Variants in NUSAP1 observed in about 807,000 individuals in gnomAD.
NUSAP1 encodes nucleolar and spindle associated protein 1, also known as nucleolar and spindle-associated protein 1.
A neutral mutation model predicts 52.8 loss-of-function variants in NUSAP1; 32 were observed. The ratio of observed to expected loss-of-function variants is 0.61; its 90% confidence interval spans 0.46 to 0.81. The LOEUF is 0.81. Among genes scored for constraint, NUSAP1 ranks in the 40% least tolerant of loss-of-function variants. NUSAP1 has a pLI of 0.00. For synonymous variants in NUSAP1, 195 were observed against 183.1 expected, an observed-to-expected ratio of 1.06 and a Z score of -0.52; for missense variants, 499 against 522.3, an observed-to-expected ratio of 0.96 and a Z score of 0.43.
At chr15:41,377,615 C>T (rs200632660) in intron 10 of NUSAP1, among the ~76,000 whole-genome samples, 5 of 142,660 alleles carry the variant, frequency 3.5e-5, no homozygotes, top group East Asian at 2.1e-4. Flanking sequence ...AGGAGAATGG[C>T]GTGAACCCAG....
At chr15:41,371,423 G>C in intron 7 of NUSAP1, 104 bp from the exon 8 acceptor site, 1 of 877,574 alleles carries the variant, frequency 1.1e-6, no homozygotes, top group East Asian at 2.8e-5. Flanking sequence ...ATTAATTGAG[G>C]CCCTTTTCAC....
intron 7 of NUSAP1, among the ~76,000 whole-genome samples, chr15:41,366,204 C>T (rs2049402414): frequency 3.9e-5 from 6 of 152,038 alleles, no homozygotes; most frequent in Non-Finnish European, 8.8e-5. Flanking sequence ...AACTCTTGGG[C>T]TCAAGTGATC....
intron 1 of NUSAP1, 59 bp from the exon 2 acceptor site, chr15:41,342,327 T>G: frequency 8.7e-7 from 1 of 1,154,620 alleles, no homozygotes; most frequent in Non-Finnish European, 1.3e-6. Context: ...CAAAAAATAT[T>G]CAACGTATCT....
At chr15:41,343,587 C>T (rs912703602) in intron 2 of NUSAP1, 2 of 152,240 alleles carry the variant, frequency 1.3e-5, no homozygotes, top group African/African-American at 2.4e-5. Context: ...CTCCCGACCT[C>T]GGGTGATCCC....
At chr15:41,346,934 A>T (rs2048597928) in intron 2 of NUSAP1, among the ~76,000 whole-genome samples, 1 of 152,056 alleles carries the variant, frequency 6.6e-6, no homozygotes, top group East Asian at 1.9e-4. Context: ...CCACTTTGGG[A>T]GGTCAAGGTG....
intron 7 of NUSAP1, among the ~76,000 whole-genome samples, chr15:41,367,321 G>A (rs1271373611): frequency 6.6e-5 from 10 of 152,156 alleles, no homozygotes; most frequent in Admixed American, 5.9e-4. Flanking sequence ...AGTCTCTCCC[G>A]TTCCAGGGAG....
chr15:41,339,555 C>A (rs1424253935), intron 1 of NUSAP1, among the ~76,000 whole-genome samples: 1 of 151,480 alleles, frequency 6.6e-6, no homozygotes, highest in East Asian at 2.0e-4. Context: ...GGATTACAGG[C>A]ATGTGCCACC....
intron 1 of NUSAP1, among the ~76,000 whole-genome samples, chr15:41,339,812 G>A (rs1238737476): frequency 2.0e-5 from 3 of 150,982 alleles, no homozygotes; most frequent in Non-Finnish European, 4.4e-5. Context: ...ACAGACTTTC[G>A]CTCTTGTCAC....
chr15:41,376,726 T>TA (rs143983944), intron 9 of NUSAP1, among the ~76,000 whole-genome samples: 13,124 of 146,146 alleles, frequency 0.09, 712 homozygotes, highest in East Asian at 0.17. Context: ...AAATTTAAAT[T>TA]AAAAAAAAAA....
At chr15:41,349,012 G>A in intron 2 of NUSAP1, 86 bp from the exon 3 acceptor site, 2 of 1,358,140 alleles carry the variant, frequency 1.5e-6, no homozygotes, top group South Asian at 1.4e-5. Flanking sequence ...TATGTAATAT[G>A]TTTTTTATTC....
chr15:41,341,399 A>T (rs968884828), intron 1 of NUSAP1, among the ~76,000 whole-genome samples: 1 of 152,112 alleles, frequency 6.6e-6, no homozygotes, highest in Admixed American at 6.6e-5. Context: ...AATGTAACCA[A>T]TCAAATTAAC....
intron 1 of NUSAP1, among the ~76,000 whole-genome samples, chr15:41,335,817 A>G (rs1209683276): frequency 1.4e-5 from 2 of 146,814 alleles, no homozygotes; most frequent in African/African-American, 5.0e-5. Context: ...AATATACTAA[A>G]TATACTATAT....
intron 6 of NUSAP1, among the ~76,000 whole-genome samples, chr15:41,359,574 T>TA (rs1474253324): frequency 1.3e-5 from 2 of 152,006 alleles, no homozygotes; most frequent in Non-Finnish European, 2.9e-5. Flanking sequence ...TTAATTGAAA[T>TA]AATAAACATT....
chr15:41,356,444 T>A (rs1179105467), intron 5 of NUSAP1, among the ~76,000 whole-genome samples: 1 of 150,330 alleles, frequency 6.7e-6, no homozygotes, highest in African/African-American at 2.5e-5. Context: ...TACCTCCACT[T>A]CCCAGGTTCA....
In NUSAP1 at chr15:41,342,319, A is replaced by G. The variant is rs1230803193; in HGVS notation, c.94-67A>G. 3 of 1,116,062 alleles carry G rather than the reference A, an allele frequency of 2.7e-6. No individual in the cohort carries two copies. The African/African-American group carries it at 4.8e-5, about 18-fold the overall frequency. The allele number at this position is 1,116,062 out of a possible 1,614,324, so 69.1% of individuals were successfully genotyped here. On this transcript the variant is annotated intron_variant, in intron 1 of 10. Transcript: ENST00000559596. The stretch of plus-strand genomic sequence containing the variant: ...ACATTTAATGAATACAAGAACAGCA[A>G]AAAATATTCAACGTATCTTCCTTGT...
At chr15:41,368,256 G>A (rs771985644) in intron 7 of NUSAP1, among the ~76,000 whole-genome samples, 11 of 152,022 alleles carry the variant, frequency 7.2e-5, no homozygotes, top group East Asian at 1.9e-4. Context: ...GGCCTCAAGC[G>A]ATCCTCCTGC....
intron 4 of NUSAP1, among the ~76,000 whole-genome samples, chr15:41,353,715 T>C (rs1348734775): frequency 2.0e-5 from 3 of 152,194 alleles, no homozygotes; most frequent in Non-Finnish European, 2.9e-5. Context: ...TTGAAAAAGA[T>C]GTAAGATTGA....
intron 2 of NUSAP1, among the ~76,000 whole-genome samples, chr15:41,342,844 C>CA (rs368671016): frequency 0.012 from 1,741 of 150,018 alleles, 38 homozygotes; most frequent in African/African-American, 0.04. Flanking sequence ...GTTCAAAAAA[C>CA]AAAAAAAAAG....
intron 1 of NUSAP1, among the ~76,000 whole-genome samples, chr15:41,339,148 T>C (rs935160274): frequency 6.6e-6 from 1 of 152,198 alleles, no homozygotes; most frequent in Non-Finnish European, 1.5e-5. Flanking sequence ...AATTTCATTA[T>C]GGGCCACATA....
Sources: allele counts gnomAD v4.1 joint callset (sites outside exome capture counted in the v4.1 genomes callset), GRCh38; gene constraint gnomAD v4.1.1; transcripts MANE v1.5; gene names NCBI Gene and HGNC (gene_info 2026-07-23, HGNC 2026-07-21).